Variants in NUDT3 observed in about 807,000 individuals in gnomAD.
The protein encoded by NUDT3 is nudix hydrolase 3.
NUDT3 carries 9 observed loss-of-function variants against 23.6 expected under a neutral mutation model. The ratio of observed to expected loss-of-function variants is 0.38; its 90% confidence interval spans 0.23 to 0.66. NUDT3 has a LOEUF of 0.66. NUDT3 is among the 30% of genes least tolerant of loss of function. The pLI is 0.52. For missense variants in NUDT3, 172 were observed against 218.5 expected, an observed-to-expected ratio of 0.79 and a Z score of 1.34; for synonymous variants, 86 against 82.6, an observed-to-expected ratio of 1.04 and a Z score of -0.22.
At chr6:34,354,749 A>ATATATATATATATATATATATATTTATT (rs570166534) in intron 1 of NUDT3, among the ~76,000 whole-genome samples, 93 of 144,522 alleles carry the variant, frequency 6.4e-4, no homozygotes, top group African/African-American at 1.7e-3. Context: ...ATATATATAT[A>ATATATATATATATATATATATATTTATT]TATTTATTTA....
intron 2 of NUDT3, 61 bp from the exon 3 acceptor site, chr6:34,295,746 G>A: frequency 6.3e-7 from 1 of 1,598,026 alleles, no homozygotes; most frequent in Non-Finnish European, 8.5e-7. Context: ...CTCATTCTGA[G>A]TCTTCTTAAG....
At chr6:34,355,213 G>T (rs1581886401) in intron 1 of NUDT3, among the ~76,000 whole-genome samples, 1 of 152,062 alleles carries the variant, frequency 6.6e-6, no homozygotes. Context: ...TGCTGAGATT[G>T]TTTTTTAATT....
chr6:34,303,837 T>C (rs1003411368), intron 2 of NUDT3, among the ~76,000 whole-genome samples: 4 of 152,210 alleles, frequency 2.6e-5, no homozygotes, highest in African/African-American at 9.6e-5. Flanking sequence ...AACATAGCTG[T>C]GTCATTCGTT....
intron 2 of NUDT3, among the ~76,000 whole-genome samples, chr6:34,299,590 A>G (rs979422717): frequency 2.2e-5 from 3 of 136,640 alleles, no homozygotes; most frequent in African/African-American, 8.6e-5. Flanking sequence ...AAGACCGGGT[A>G]TTTTCTTGAA....
At chr6:34,376,102 G>C (rs1764918353) in intron 1 of NUDT3, among the ~76,000 whole-genome samples, 1 of 152,114 alleles carries the variant, frequency 6.6e-6, no homozygotes, top group Non-Finnish European at 1.5e-5. Context: ...ATCATCAGTT[G>C]AATTCAGTTC....
intron 2 of NUDT3, 79 bp from the exon 3 acceptor site, chr6:34,295,764 T>A (rs779483750): frequency 5.7e-6 from 9 of 1,570,098 alleles, no homozygotes; most frequent in Non-Finnish European, 7.8e-6. Flanking sequence ...AAGCAGTTTA[T>A]AAAATAGAAA....
In NUDT3 at chr6:34,308,119, CAAAAAAAAAAAAAAAAAAAAAAAAAAAA is replaced by C. The variant is rs533055608; in HGVS notation, c.211-12462_211-12435del. ...TGGGAGACACAGAGAAACTCTGTCT[CAAAAAAAAAAAAAAAAAAAAAAAAAAAA>C]AAAAAAAAAAAAAAAAAAAAAAGAT... On this transcript the variant is annotated intron_variant, in intron 2 of 4. Coordinates refer to ENST00000607016, the MANE Select transcript of NUDT3 (RefSeq NM_006703.4). Among the ~76,000 whole-genome samples the C allele has an allele frequency of 9.0e-3, 541 of 60,086 alleles. 5 individuals are homozygous for C. Among genetic ancestry groups the C allele is most frequent in the African/African-American group, 0.03 (415 of 13,656 alleles). 39.4% of individuals were successfully genotyped at this position (60,086 alleles called of 152,430 possible). A position where few individuals can be genotyped will look rare whatever the true frequency, so the allele number is the denominator to read the frequency against.
At chr6:34,301,000 G>T (rs1418880957) in intron 2 of NUDT3, among the ~76,000 whole-genome samples, 5 of 152,140 alleles carry the variant, frequency 3.3e-5, no homozygotes, top group Non-Finnish European at 7.3e-5. Flanking sequence ...TTTAAAAAAG[G>T]TATTTTACCT....
intron 1 of NUDT3, among the ~76,000 whole-genome samples, chr6:34,382,133 G>A (rs535405164): frequency 1.9e-4 from 28 of 149,510 alleles, no homozygotes; most frequent in South Asian, 1.3e-3. Context: ...GTGGTGGCTC[G>A]TGCACGTAAT....
intron 1 of NUDT3, among the ~76,000 whole-genome samples, chr6:34,376,671 C>T (rs1314741339): frequency 6.6e-6 from 1 of 152,174 alleles, no homozygotes; most frequent in African/African-American, 2.4e-5. Flanking sequence ...GCTACCATGG[C>T]TCTCACTTCC....
chr6:34,322,445 GGTCTT>G (rs144433843), intron 2 of NUDT3, among the ~76,000 whole-genome samples: 7,588 of 152,182 alleles, frequency 0.05, 276 homozygotes, highest in African/African-American at 0.1. Flanking sequence ...TAGCCAGGAT[GGTCTT>G]GATCTCCTGA....
At chr6:34,365,636 G>C (rs1218191126) in intron 1 of NUDT3, among the ~76,000 whole-genome samples, 2 of 152,180 alleles carry the variant, frequency 1.3e-5, no homozygotes, top group African/African-American at 4.8e-5. Context: ...AGCAGAATGG[G>C]GCATAGTGGC....
At chr6:34,311,468 T>C (rs780710994) in intron 2 of NUDT3, among the ~76,000 whole-genome samples, 15 of 152,228 alleles carry the variant, frequency 9.9e-5, no homozygotes, top group Non-Finnish European at 1.6e-4. Context: ...TGTTAATGAA[T>C]AGGAAGACTC....
At chr6:34,345,626 G>A (rs1172475304) in intron 1 of NUDT3, among the ~76,000 whole-genome samples, 1 of 142,658 alleles carries the variant, frequency 7.0e-6, no homozygotes, top group Admixed American at 7.3e-5. Flanking sequence ...TTGCGCCACG[G>A]CAGTCTAGCA....
At chr6:34,300,364 G>A (rs541714420) in intron 2 of NUDT3, among the ~76,000 whole-genome samples, 1 of 152,308 alleles carries the variant, frequency 6.6e-6, no homozygotes, top group East Asian at 1.9e-4. Context: ...CCCTTCCCTT[G>A]CTGCTACCAG....
chr6:34,390,154 T>A (rs1436385213), intron 1 of NUDT3, among the ~76,000 whole-genome samples: 3 of 149,206 alleles, frequency 2.0e-5, no homozygotes, highest in Non-Finnish European at 4.4e-5. Context: ...AATAAATAAA[T>A]AAAAATAAGT....
chr6:34,303,191 C>A (rs528519459), intron 2 of NUDT3, among the ~76,000 whole-genome samples: 28 of 145,746 alleles, frequency 1.9e-4, no homozygotes, highest in African/African-American at 7.2e-4. Context: ...GTCACCATAC[C>A]TGGCAATTTT....
chr6:34,375,353 T>A (rs940728044), intron 1 of NUDT3, among the ~76,000 whole-genome samples: 3 of 151,744 alleles, frequency 2.0e-5, no homozygotes, highest in African/African-American at 7.3e-5. Flanking sequence ...CAAAAAAAAA[T>A]TAAAAAATAA....
At chr6:34,342,879 C>T (rs767850232) in intron 1 of NUDT3, among the ~76,000 whole-genome samples, 3 of 152,208 alleles carry the variant, frequency 2.0e-5, no homozygotes, top group Admixed American at 6.5e-5. Flanking sequence ...ATAGATTCCA[C>T]CACTGCCTTC....
Sources: allele counts gnomAD v4.1 joint callset (sites outside exome capture counted in the v4.1 genomes callset), GRCh38; gene constraint gnomAD v4.1.1; transcripts MANE v1.5; gene names NCBI Gene and HGNC (gene_info 2026-07-23, HGNC 2026-07-21).